ULK4: variants seen among roughly 807,000 people sequenced by gnomAD.
The protein encoded by ULK4 is unc-51 like kinase 4, also known as inactive serine/threonine-protein kinase ULK4.
Under a neutral mutation model 160.6 loss-of-function variants are expected in ULK4, and 133 were observed. The ratio of observed to expected loss-of-function variants is 0.83; its 90% CI spans 0.72 to 0.96. The LOEUF (loss-of-function observed/expected upper bound fraction) is 0.96. Ranked by LOEUF, ULK4 falls within the 40% of genes least tolerant of loss-of-function variation. The probability of loss-of-function intolerance (pLI) is 0.00; values close to 1 mark genes in which losing one functional copy is unlikely to be tolerated. For synonymous variants in ULK4, 534 were observed against 539.8 expected (o/e 0.99, Z 0.15); for missense variants, 1,580 against 1,499.5 (o/e 1.05, Z -0.89).
At chr3:41,375,031 C>A (rs1429546661) in intron 35 of ULK4, among the ~76,000 whole-genome samples, 1 of 152,128 alleles carries the variant, frequency 6.6e-6, no homozygotes, top group Non-Finnish European at 1.5e-5. Context: ...CTCCCATTCA[C>A]AACTGCTACA....
chr3:41,638,219 T>A (rs951425704), intron 30 of ULK4, among the ~76,000 whole-genome samples: 7 of 152,172 alleles, frequency 4.6e-5, no homozygotes, highest in African/African-American at 1.7e-4. Context: ...CTTAATGAAA[T>A]TTTCTTTTAT....
chr3:41,318,950 A>C (rs1432798013), intron 35 of ULK4, among the ~76,000 whole-genome samples: 5 of 152,242 alleles, frequency 3.3e-5, no homozygotes, highest in African/African-American at 1.2e-4. Context: ...AAAAAGAACT[A>C]CGGTATGGAA....
intron 30 of ULK4, among the ~76,000 whole-genome samples, chr3:41,643,824 G>C (rs1263613502): frequency 6.6e-6 from 1 of 152,178 alleles, no homozygotes; most frequent in African/African-American, 2.4e-5. Flanking sequence ...CTACCCATCA[G>C]CATGGAATGT....
intron 2 of ULK4, among the ~76,000 whole-genome samples, chr3:41,946,971 C>A (rs1057210330): frequency 6.8e-6 from 1 of 146,714 alleles, no homozygotes; most frequent in African/African-American, 2.4e-5. Flanking sequence ...AATATGATCA[C>A]AGAAGGGGAT....
chr3:41,867,263 A>T (rs551304139), intron 17 of ULK4, among the ~76,000 whole-genome samples: 1 of 152,216 alleles, frequency 6.6e-6, no homozygotes, highest in South Asian at 2.1e-4. Context: ...CCCAAAGAAT[A>T]GTCCCTAAAC....
chr3:41,807,594 T>C (rs2040688619), intron 19 of ULK4, among the ~76,000 whole-genome samples: 1 of 152,278 alleles, frequency 6.6e-6, no homozygotes, highest in Admixed American at 6.5e-5. Context: ...GTTTGAGAAT[T>C]AAATGAGATA....
chr3:41,400,548 A>G (rs1480409842), intron 34 of ULK4, among the ~76,000 whole-genome samples: 1 of 152,182 alleles, frequency 6.6e-6, no homozygotes, highest in Non-Finnish European at 1.5e-5. Context: ...ATTCCATGAC[A>G]TAGATGTACC....
At chr3:41,293,124 G>C (rs1308346282) in intron 35 of ULK4, among the ~76,000 whole-genome samples, 1 of 151,510 alleles carries the variant, frequency 6.6e-6, no homozygotes, top group Non-Finnish European at 1.5e-5. Context: ...AAAAAGAATA[G>C]GACTGGTAAC....
intron 30 of ULK4, among the ~76,000 whole-genome samples, chr3:41,635,841 G>T (rs2033931789): frequency 6.6e-6 from 1 of 152,066 alleles, no homozygotes. Context: ...GATAGAGGGT[G>T]GGATAAAAAG....
At chr3:41,616,289 C>T (rs955149191) in intron 30 of ULK4, among the ~76,000 whole-genome samples, 1 of 152,092 alleles carries the variant, frequency 6.6e-6, no homozygotes, top group Non-Finnish European at 1.5e-5. Context: ...CTTGGTAAAA[C>T]CTAAATCATT....
Position 41,328,853 on chromosome 3 carries a change from T to A in ULK4, c.3678+69226A>T, listed in dbSNP as rs1253914136. Among the ~76,000 whole-genome samples the A allele has an allele frequency of 2.0e-5, 3 of 152,212 alleles. No individual in the cohort carries two copies. The East Asian group carries it at 5.8e-4, about 29-fold the overall frequency. On this transcript the variant is annotated intron_variant, in intron 35 of 36. Transcript: ENST00000301831. ...CCAGAAATCCACAGCCATGTTCTTA[T>A]GTGGGTTCAGACACATGATATTCTC...
intron 35 of ULK4, among the ~76,000 whole-genome samples, chr3:41,260,595 T>C (rs2125676195): frequency 6.6e-6 from 1 of 152,330 alleles, no homozygotes; most frequent in African/African-American, 2.4e-5. Context: ...GGGGATCATC[T>C]GAAAGAGATC....
intron 21 of ULK4, among the ~76,000 whole-genome samples, chr3:41,762,381 A>C (rs935381624): frequency 2.6e-5 from 4 of 152,178 alleles, no homozygotes; most frequent in Non-Finnish European, 5.9e-5. Flanking sequence ...AAAAGAATTT[A>C]AAATGTTTTT....
intron 35 of ULK4, among the ~76,000 whole-genome samples, chr3:41,283,537 T>C (rs1415651844): frequency 1.3e-5 from 2 of 152,096 alleles, no homozygotes; most frequent in African/African-American, 4.8e-5. Flanking sequence ...CTCAGCAAAC[T>C]ATCGCAAGGA....
intron 35 of ULK4, among the ~76,000 whole-genome samples, chr3:41,385,640 T>G (rs2125800208): frequency 6.6e-6 from 1 of 152,308 alleles, no homozygotes; most frequent in South Asian, 2.1e-4. Flanking sequence ...CTATGAACAA[T>G]ACACTAAGAT....
chr3:41,581,694 G>T lies in ULK4; in HGVS notation c.3121-15564C>A, dbSNP rs181855477. On this transcript the variant is annotated intron_variant, in intron 31 of 36. Transcript: ENST00000301831. Reference sequence around the variant, plus strand: ...CCTACACCCAGACATGAGCCATTTGGGAGTTTCCCATCCAGGGCATGGTAG... The same window carrying T: ...CCTACACCCAGACATGAGCCATTTGTGAGTTTCCCATCCAGGGCATGGTAG... Among the ~76,000 whole-genome samples the T allele has an allele frequency of 2.2e-4, 34 of 152,266 alleles. No individual in the cohort carries two copies. In the South Asian group the frequency reaches 7.1e-3, roughly 32 times the overall value.
chr3:41,681,010 C>T (rs1206269700), intron 29 of ULK4, among the ~76,000 whole-genome samples: 2 of 152,122 alleles, frequency 1.3e-5, no homozygotes, highest in African/African-American at 4.8e-5. Flanking sequence ...TAAAAGAATA[C>T]AAAAACCCTT....
chr3:41,451,364 TGA>T (rs921580202), intron 34 of ULK4, among the ~76,000 whole-genome samples: 2 of 151,320 alleles, frequency 1.3e-5, no homozygotes, highest in African/African-American at 4.9e-5. Flanking sequence ...GTTGGCTGGG[TGA>T]GAGAGACAAA....
At position 41,918,491 on chromosome 3, in the gene ULK4, G is replaced by T. The variant is rs1467512757; in HGVS notation, c.693C>A (p.Ile231=). ...SESISELTEK[I]LCEDPLPPIP... is the part of the protein sequence containing the mutation. ...TAGGTGGCAAAGGATCTTCACATAA[G>T]ATCTTTTCAGTTAATTCTGAAATAC... Residue 231 remains isoleucine, a synonymous_variant, in exon 7 of 37, where the codon ATC becomes ATA. Coordinates refer to ENST00000301831, the MANE Select transcript of ULK4 (RefSeq NM_017886.4). 2 of 1,579,592 alleles carry T rather than the reference G, an allele frequency of 1.3e-6. No individual in the cohort carries two copies. The highest frequency in any genetic ancestry group is 1.2e-5 in the South Asian group (1 of 82,630).
Sources: allele counts gnomAD v4.1 joint callset (sites outside exome capture counted in the v4.1 genomes callset), GRCh38; gene constraint gnomAD v4.1.1; transcripts MANE v1.5; gene names NCBI Gene and HGNC (gene_info 2026-07-23, HGNC 2026-07-21).